Variants in FBXO17 observed in about 807,000 individuals in gnomAD.
FBXO17 encodes the protein F-box only protein 17.
FBXO17 carries 43 observed loss-of-function variants against 34.1 expected under a neutral mutation model. The ratio of observed to expected loss-of-function variants is 1.26; its 90% CI spans 0.99 to 1.62. The LOEUF is 1.62. Ranked by LOEUF, FBXO17 falls within the 40% of genes most tolerant of loss-of-function variation. FBXO17 has a pLI of 0.00. For synonymous variants in FBXO17, 169 were observed against 166.0 expected, an observed-to-expected ratio of 1.02 and a Z score of -0.14; for missense variants, 424 against 386.7, an observed-to-expected ratio of 1.10 and a Z score of -0.81.
rs1236449882 is a variant in FBXO17, at chr19:38,975,622, G to A, written c.-54C>T. ...CTCGGAGGCGGCAGCGGCGGGCTAA[G>A]CTTCCCTTTCCCACTTTGTTCTGGG... On this transcript the variant is annotated 5_prime_UTR_variant, in exon 1 of 6. Coordinates refer to ENST00000292852, the MANE Select transcript of FBXO17 (RefSeq NM_024907.7). This position sits in a 1 kb window ranked among gnomAD's most constrained non-coding sequence, Gnocchi z 4.9. The A allele has an allele frequency of 5.9e-5, 9 of 152,462 alleles. No homozygotes were observed. The highest frequency in any genetic ancestry group is 2.2e-4 in the African/African-American group (9 of 41,450). 9.4% of individuals were successfully genotyped at this position (152,462 alleles called of 1,614,324 possible).
intron 4 of FBXO17, 132 bp from the exon 5 acceptor site, chr19:38,945,236 G>A: frequency 8.1e-7 from 1 of 1,234,252 alleles, no homozygotes. Context: ...AGACGTCCTG[G>A]CCTGGGAACC....
chr19:38,962,209 A>T (rs10416467), intron 1 of FBXO17, among the ~76,000 whole-genome samples: 111,496 of 148,694 alleles, frequency 0.75, 42,562 homozygotes, highest in East Asian at 0.96. Flanking sequence ...AAAATAAAAA[A>T]AAATAAATAA....
At position 38,973,748 on chromosome 19, in the gene FBXO17, C is replaced by T. The variant is rs116182376; in HGVS notation, c.-18+1838G>A. Among the ~76,000 whole-genome samples, 661 of 152,010 alleles carry T rather than the reference C, an allele frequency of 4.3e-3. 6 individuals carry two copies. Among genetic ancestry groups the T allele is most frequent in the African/African-American group, 0.015 (633 of 41,454 alleles). ...ATCCCAGGACTTTTGATGGCCAAGA[C>T]GAGCAGATGGCTTGAGCCCAGGAGT... is the stretch of plus-strand genomic sequence containing the variant. On this transcript the variant is annotated intron_variant, in intron 1 of 5. Coordinates refer to ENST00000292852, the MANE Select transcript of FBXO17 (RefSeq NM_024907.7).
chr19:38,972,907 C>T lies in FBXO17; in HGVS notation c.-18+2679G>A, dbSNP rs376712254. Among the ~76,000 whole-genome samples the T allele has an allele frequency of 2.6e-5, 4 of 152,120 alleles. No homozygotes were observed. In the East Asian group the frequency reaches 7.8e-4, roughly 30 times the overall value. ...CCTAAGTAGCTGGGATTACAGGTAC[C>T]CGCCATCATGCCCTGCTAAATTTTT... On this transcript the variant is annotated intron_variant, in intron 1 of 5. Coordinates refer to ENST00000292852, the MANE Select transcript of FBXO17 (RefSeq NM_024907.7).
chr19:38,972,178 C>A (rs1387608524), intron 1 of FBXO17, among the ~76,000 whole-genome samples: 1 of 152,092 alleles, frequency 6.6e-6, no homozygotes, highest in Non-Finnish European at 1.5e-5. Flanking sequence ...GAGACCCCCA[C>A]TGGGTAGTAA....
chr19:38,954,404 G>T (rs372499374), intron 1 of FBXO17, among the ~76,000 whole-genome samples: 13 of 151,490 alleles, frequency 8.6e-5, no homozygotes, highest in African/African-American at 2.9e-4. Flanking sequence ...CAAGTAGCTG[G>T]GATTACAGGC....
chr19:38,949,921 T>G, intron 2 of FBXO17, 50 bp downstream of exon 2: 998 of 946,362 alleles, frequency 1.1e-3, no homozygotes, highest in Non-Finnish European at 1.4e-3. Context: ...CGCCCCCGCC[T>G]CGCTCGCGCG....
rs1480083856 is a variant in FBXO17 at position 38,971,488 on chromosome 19, G to C, written c.-18+4098C>G. Among the ~76,000 whole-genome samples, 3 of 152,192 alleles carry C rather than the reference G, an allele frequency of 2.0e-5. No individual in the cohort carries two copies. In the South Asian group the frequency reaches 6.2e-4, roughly 32 times the overall value. On this transcript the variant is annotated intron_variant, in intron 1 of 5. Transcript: ENST00000292852. The stretch of plus-strand genomic sequence containing the variant: ...ATACCAAGTTCCAAATCTATCCCTA[G>C]AAAAATGGGTGGTGACTGGGTGCTG...
chr19:38,958,222 G>A (rs931460699), intron 1 of FBXO17, among the ~76,000 whole-genome samples: 6 of 151,474 alleles, frequency 4.0e-5, no homozygotes, highest in African/African-American at 1.5e-4. Context: ...GAGCAGCCTA[G>A]CCAACATGGT....
rs1974983608 is a variant in FBXO17 at position 38,946,416 on chromosome 19, C to T, written c.557+56G>A. On this transcript the variant is annotated intron_variant, in intron 4 of 5. Coordinates refer to ENST00000292852, the MANE Select transcript of FBXO17 (RefSeq NM_024907.7). ...TGGGGCGGGAAATGAGCCCCTGTTG[C>T]AGAGCCGCTGCCAAGCCTGCTGCTG... is the stretch of plus-strand genomic sequence containing the variant. 5 of 1,609,262 alleles carry T rather than the reference C, an allele frequency of 3.1e-6. No individual in the cohort carries two copies. The East Asian group carries it at 8.9e-5, about 29-fold the overall frequency.
chr19:38,954,213 T>C (rs1975128646), intron 1 of FBXO17, among the ~76,000 whole-genome samples: 1 of 151,660 alleles, frequency 6.6e-6, no homozygotes, highest in Admixed American at 6.6e-5. Context: ...TTAACCAGGG[T>C]CTCATGCAGG....
intron 1 of FBXO17, among the ~76,000 whole-genome samples, chr19:38,956,265 CAAA>C (rs374424636): frequency 6.2e-5 from 7 of 112,534 alleles, no homozygotes; most frequent in Non-Finnish European, 9.0e-5. Flanking sequence ...GACTCTGTCT[CAAA>C]AAAAAAAAAA....
intron 1 of FBXO17, among the ~76,000 whole-genome samples, chr19:38,972,799 G>A (rs1186476788): frequency 2.6e-5 from 4 of 151,888 alleles, no homozygotes; most frequent in African/African-American, 9.7e-5. Context: ...TGCTCTTGTC[G>A]CCCAGGCTGG....
rs192483812 is a variant in FBXO17 at position 38,944,941 on chromosome 19, G to C, written c.693+28C>G. 5 of 1,613,130 alleles carry C rather than the reference G, an allele frequency of 3.1e-6. No homozygotes were observed. The Admixed American group carries it at 8.4e-5, about 27-fold the overall frequency. On this transcript the variant is annotated intron_variant, in intron 5 of 5. Coordinates refer to ENST00000292852, the MANE Select transcript of FBXO17 (RefSeq NM_024907.7). Reference sequence around the variant, plus strand: ...GGCGTGTGTGCCTTTAGCGGGTCGGGGGGAGCTGGAAGCTAGTCTGGACCC... The same window carrying C: ...GGCGTGTGTGCCTTTAGCGGGTCGGCGGGAGCTGGAAGCTAGTCTGGACCC...
At chr19:38,946,429 A>G in intron 4 of FBXO17, 43 bp downstream of exon 4, 1 of 1,612,566 alleles carries the variant, frequency 6.2e-7, no homozygotes, top group Non-Finnish European at 8.5e-7. Flanking sequence ...AGCCGCTGCC[A>G]AGCCTGCTGC....
At chr19:38,953,255 T>TCCAGCCAC (rs1975113150) in intron 1 of FBXO17, among the ~76,000 whole-genome samples, 1 of 152,072 alleles carries the variant, frequency 6.6e-6, no homozygotes, top group Admixed American at 6.6e-5. Flanking sequence ...TGCAGTGAGC[T>TCCAGCCAC]ATGATTATGC....
At chr19:38,944,405 T>C (rs1372761652) in intron 5 of FBXO17, among the ~76,000 whole-genome samples, 1 of 152,002 alleles carries the variant, frequency 6.6e-6, no homozygotes, top group South Asian at 2.1e-4. Flanking sequence ...ACCATGCCCG[T>C]CTAATTTTTA....
chr19:38,965,872 C>G (rs1442104544), intron 1 of FBXO17, among the ~76,000 whole-genome samples: 1 of 152,232 alleles, frequency 6.6e-6, no homozygotes, highest in African/African-American at 2.4e-5. Flanking sequence ...GAACTCCTGA[C>G]CCCAGGCAAT....
intron 5 of FBXO17, 111 bp from the exon 6 acceptor site, chr19:38,942,862 C>T (rs1290347749): frequency 1.9e-6 from 2 of 1,071,498 alleles, no homozygotes; most frequent in African/African-American, 1.8e-5. Context: ...CGCTAGTTTG[C>T]TGGGGACGGA....
Sources: gnomAD v4.1 joint callset for allele counts (sites outside exome capture counted in the v4.1 genomes callset) on GRCh38, gnomAD v4.1.1 for gene constraint, Gnocchi (gnomAD v3.1) non-coding constraint, MANE v1.5 for transcripts, NCBI Gene and HGNC (gene_info 2026-07-23, HGNC 2026-07-21) for gene names.